Variants in OPN3 observed in about 807,000 individuals in gnomAD.
OPN3 encodes opsin 3.
In OPN3, 29 loss-of-function variants were observed where a neutral mutation model predicts 33.8. The ratio of observed to expected loss-of-function variants is 0.86; its 90% CI spans 0.64 to 1.17. The LOEUF is 1.17. OPN3 is among the 50% of genes most tolerant of loss of function. The pLI, the probability that OPN3 is intolerant of heterozygous loss-of-function variation, is 0.00. For missense variants in OPN3, 437 were observed against 514.1 expected (o/e 0.85, Z 1.45); for synonymous variants, 216 against 216.1 (o/e 1.00, Z 0.00).
intron 2 of OPN3, chr1:241,600,935 C>T (rs1401125112): frequency 1.3e-5 from 2 of 151,950 alleles, no homozygotes; most frequent in African/African-American, 4.8e-5. Flanking sequence ...GGGAGGTAAA[C>T]AGGGAGGATA....
chr1:241,619,598 C>A (rs961287557), intron 1 of OPN3, among the ~76,000 whole-genome samples: 1 of 152,196 alleles, frequency 6.6e-6, no homozygotes, highest in African/African-American at 2.4e-5. Flanking sequence ...TCTTGAAAAT[C>A]TAACTAAATG....
chr1:241,602,037 C>A (rs865806664), intron 2 of OPN3, among the ~76,000 whole-genome samples: 3 of 152,104 alleles, frequency 2.0e-5, no homozygotes, highest in Admixed American at 1.3e-4. Flanking sequence ...GGAAGAAAGA[C>A]CTGAACTGGA....
chr1:241,617,927 C>A (rs1287851990), intron 1 of OPN3, among the ~76,000 whole-genome samples: 2 of 152,034 alleles, frequency 1.3e-5, no homozygotes, highest in Admixed American at 1.3e-4. Flanking sequence ...GTGGAACAAT[C>A]TGGACAGGCA....
At chr1:241,617,030 CTT>C (rs1664151024) in intron 1 of OPN3, among the ~76,000 whole-genome samples, 1 of 152,118 alleles carries the variant, frequency 6.6e-6, no homozygotes, top group African/African-American at 2.4e-5. Flanking sequence ...ATTATAATAA[CTT>C]TATTTCATAT....
At chr1:241,627,709 T>C (rs138293756) in intron 1 of OPN3, among the ~76,000 whole-genome samples, 1 of 152,214 alleles carries the variant, frequency 6.6e-6, no homozygotes, top group African/African-American at 2.4e-5. Context: ...ATACATTTGG[T>C]TGCTGGTTAA....
chr1:241,596,004 C>T (rs913868648), intron 3 of OPN3, among the ~76,000 whole-genome samples: 5 of 151,966 alleles, frequency 3.3e-5, no homozygotes, highest in African/African-American at 1.2e-4. Flanking sequence ...TAAAGTATGC[C>T]CTTAGGAACC....
chr1:241,635,738 T>C (rs1264832179), intron 1 of OPN3: 4 of 1,612,108 alleles, frequency 2.5e-6, no homozygotes, highest in Non-Finnish European at 3.4e-6. Context: ...TATAACCACA[T>C]CAAACTCTGT....
At chr1:241,615,075 C>T (rs1664091110) in intron 1 of OPN3, among the ~76,000 whole-genome samples, 1 of 151,848 alleles carries the variant, frequency 6.6e-6, no homozygotes, top group Admixed American at 6.6e-5. Flanking sequence ...ACTAAGAGAC[C>T]CAAGAAATAT....
chr1:241,594,460 T>G lies in OPN3; in HGVS notation c.1177A>C (p.Lys393Gln). The G allele has an allele frequency of 6.2e-7, 1 of 1,614,156 alleles. No homozygotes were observed. Among genetic ancestry groups the G allele is most frequent in the Non-Finnish European group, 8.5e-7 (1 of 1,179,994 alleles). ...GGACGAACTTGGATTACATCAACTT[T>G]GGACCCATTGGTTTTGTCGCTGTCG... ...VDDSDKTNGSKVDVIQVRPL is the reference protein window; with the variant it reads ...VDDSDKTNGSQVDVIQVRPL Residue 393 changes from lysine (K) to glutamine (Q), a missense_variant, in exon 4 of 4, where the codon AAA becomes CAA. Lys to Gln is a moderately conservative substitution (Grantham distance 53). Transcript: ENST00000366554.
chr1:241,640,054 G>T lies in OPN3; in HGVS notation c.201C>A (p.Tyr67Ter). Residue 67 changes from tyrosine to a stop codon, truncating the protein, a stop_gained, in exon 1 of 4, where the codon TAC becomes TAA. Transcript: ENST00000366554. LOFTEE classifies it high-confidence loss of function. ...GNNLLVLVLY[Y>*]KFQRLRTPTH... ...TGGGAGTGCGGAGCCGCTGGAACTT[G>T]TAGTAGAGGACGAGCACCAGCAGGT... 6.2e-7 allele frequency: 1 copy of T among 1,612,808 alleles called. No individual in the cohort carries two copies. The highest frequency in any genetic ancestry group is 8.5e-7 in the Non-Finnish European group (1 of 1,179,520).
intron 1 of OPN3, among the ~76,000 whole-genome samples, chr1:241,609,408 C>T (rs572794600): frequency 3.4e-4 from 52 of 152,274 alleles, no homozygotes; most frequent in Non-Finnish European, 5.7e-4. Flanking sequence ...TACCACCTGC[C>T]GCCACTAAAG....
intron 1 of OPN3, among the ~76,000 whole-genome samples, chr1:241,628,682 AAATT>A (rs1422896483): frequency 6.6e-6 from 1 of 152,220 alleles, no homozygotes; most frequent in African/African-American, 2.4e-5. Flanking sequence ...AAGAAAAAAT[AAATT>A]ATGAAGTCCA....
At chr1:241,634,061 C>A in intron 1 of OPN3, 2 of 1,612,404 alleles carry the variant, frequency 1.2e-6, no homozygotes, top group Non-Finnish European at 1.7e-6. Flanking sequence ...GGAAGGCAAG[C>A]CATTATACGA....
intron 1 of OPN3, among the ~76,000 whole-genome samples, chr1:241,626,900 C>G (rs191326576): frequency 1.1e-4 from 17 of 152,246 alleles, no homozygotes; most frequent in African/African-American, 4.1e-4. Flanking sequence ...AAGGATTAAA[C>G]TATAAAATGC....
chr1:241,603,131 G>C (rs552411965), intron 2 of OPN3, among the ~76,000 whole-genome samples: 4 of 152,234 alleles, frequency 2.6e-5, no homozygotes, highest in African/African-American at 9.6e-5. Flanking sequence ...TGTCTCTGGG[G>C]CATGGAAGGG....
chr1:241,640,131 CG>C lies in OPN3; in HGVS notation c.123del (p.Tyr41Ter), dbSNP rs1395969035. The C allele has an allele frequency of 5.7e-6, 9 of 1,591,124 alleles. No homozygotes were observed. Among genetic ancestry groups the C allele is most frequent in the Non-Finnish European group, 7.7e-6 (9 of 1,170,402 alleles). ...GAGCCCAGCAGCAGCGCCAGGCGCT[CG>C]TAGGTGCCGGGGCTGAAGAGGGGCG... Reference protein sequence around the residue: ...SPAPLFSPGTYERLALLLGSI... With the variant: ...SPAPLFSPGTXERLALLLGSI... On this transcript the variant is annotated frameshift_variant, in exon 1 of 4. Transcript: ENST00000366554. LOFTEE classifies it high-confidence loss of function.
intron 1 of OPN3, among the ~76,000 whole-genome samples, chr1:241,626,804 T>A (rs533197771): frequency 6.6e-6 from 1 of 152,336 alleles, no homozygotes; most frequent in East Asian, 1.9e-4. Flanking sequence ...GAGTCTCAAA[T>A]GAGCAGCAAT....
At chr1:241,611,967 G>A (rs1019846578) in intron 1 of OPN3, among the ~76,000 whole-genome samples, 40 of 152,300 alleles carry the variant, frequency 2.6e-4, no homozygotes, top group African/African-American at 9.4e-4. Context: ...GAGAGACGAG[G>A]AAGGTCCACC....
chr1:241,615,622 T>C (rs1250907430), intron 1 of OPN3, among the ~76,000 whole-genome samples: 2 of 152,174 alleles, frequency 1.3e-5, no homozygotes, highest in Admixed American at 1.3e-4. Context: ...CTGTCAGCCA[T>C]CTATGACTAA....
Sources: gnomAD v4.1 joint callset for allele counts (sites outside exome capture counted in the v4.1 genomes callset) on GRCh38, gnomAD v4.1.1 for gene constraint, MANE v1.5 for transcripts, NCBI Gene and HGNC (gene_info 2026-07-23, HGNC 2026-07-21) for gene names.